SHTN1: variants seen among roughly 807,000 people sequenced by gnomAD.
The protein encoded by SHTN1 is shootin 1.
A neutral mutation model predicts 83.1 loss-of-function variants in SHTN1; 42 were observed. The observed-to-expected ratio is 0.51, with a 90% confidence interval of 0.39 to 0.65. The LOEUF (loss-of-function observed/expected upper bound fraction) is 0.65, where lower values mean the gene tolerates loss of function less well. Among genes scored for constraint, SHTN1 ranks in the 30% least tolerant of loss-of-function variants. The pLI, the probability that SHTN1 is intolerant of heterozygous loss-of-function variation, is 0.00. For missense variants in SHTN1, 622 were observed against 737.8 expected, an observed-to-expected ratio of 0.84 and a Z score of 1.82; for synonymous variants, 224 against 247.7, an observed-to-expected ratio of 0.90 and a Z score of 0.90.
chr10:116,890,330 T>G (rs1847299824), intron 16 of SHTN1, among the ~76,000 whole-genome samples: 3 of 152,168 alleles, frequency 2.0e-5, no homozygotes, highest in Admixed American at 2.0e-4. Context: ...ACTAAAATCA[T>G]GGGATGCTTG....
At chr10:116,954,635 C>G (rs535288984) in intron 4 of SHTN1, among the ~76,000 whole-genome samples, 2 of 152,138 alleles carry the variant, frequency 1.3e-5, no homozygotes, top group African/African-American at 4.8e-5. Context: ...TTCCATTGTT[C>G]CACATGATTT....
chr10:116,926,395 T>C (rs180973570), intron 11 of SHTN1, among the ~76,000 whole-genome samples: 1 of 152,310 alleles, frequency 6.6e-6, no homozygotes, highest in Non-Finnish European at 1.5e-5. Context: ...AAATCCAGAA[T>C]ATCTCCTACA....
intron 1 of SHTN1, among the ~76,000 whole-genome samples, chr10:117,115,742 A>G (rs1853836911): frequency 6.6e-6 from 1 of 152,138 alleles, no homozygotes; most frequent in African/African-American, 2.4e-5. Context: ...TTCACTAGAG[A>G]TTTCTTCAAG....
Position 117,126,383 on chromosome 10 carries a change from T to C in SHTN1, c.-265A>G, listed in dbSNP as rs1854009084. 7 of 177,674 alleles carry C rather than the reference T, an allele frequency of 3.9e-5. No individual in the cohort carries two copies. In the South Asian group the frequency reaches 4.9e-4, roughly 12 times the overall value. 11.0% of individuals were successfully genotyped at this position (177,674 alleles called of 1,614,324 possible). On this transcript the variant is annotated 5_prime_UTR_variant, in exon 1 of 18. Transcript: ENST00000392901. ...GCTGCGTGAGGTGCCGGGTCCAGGC[T>C]CACAGGAGGAGAGCTCCAGGAGTCC... is the stretch of plus-strand genomic sequence containing the variant.
intron 1 of SHTN1, among the ~76,000 whole-genome samples, chr10:117,098,980 A>G (rs557097173): frequency 4.0e-5 from 1 of 24,826 alleles, no homozygotes; most frequent in African/African-American, 9.4e-5. Context: ...TCAAAAGTAT[A>G]ATGTTCCACA....
Position 116,884,610 on chromosome 10 carries a change from G to A in SHTN1, c.*1734C>T, listed in dbSNP as rs1377134093. 1 of 181,512 alleles carries A rather than the reference G, an allele frequency of 5.5e-6. No homozygotes were observed. Among genetic ancestry groups the A allele is most frequent in the African/African-American group, 2.4e-5 (1 of 42,040 alleles). The allele number at this position is 181,512 out of a possible 1,614,324, so 11.2% of individuals were successfully genotyped here. Reference sequence around the variant, plus strand: ...ATTCCTAAATGTGTGTGAGTTGCATGCTGGCAGACAGATCACAGATGCAAG... The same window carrying A: ...ATTCCTAAATGTGTGTGAGTTGCATACTGGCAGACAGATCACAGATGCAAG... On this transcript the variant is annotated 3_prime_UTR_variant, in exon 17 of 17. Coordinates refer to ENST00000355371, the MANE Select transcript of SHTN1 (RefSeq NM_001127211.3).
chr10:117,043,113 G>A (rs1852609614), intron 2 of SHTN1, among the ~76,000 whole-genome samples: 1 of 139,266 alleles, frequency 7.2e-6, no homozygotes, highest in Admixed American at 7.8e-5. Flanking sequence ...TCCTAAAAGT[G>A]GATCTTTATA....
intron 1 of SHTN1, among the ~76,000 whole-genome samples, chr10:117,077,392 G>C (rs933049686): frequency 6.6e-6 from 1 of 152,158 alleles, no homozygotes; most frequent in Non-Finnish European, 1.5e-5. Context: ...GGTTTTCACT[G>C]GAAGTTTGCC....
chr10:117,100,662 A>G (rs762684630), intron 1 of SHTN1, among the ~76,000 whole-genome samples: 45 of 152,300 alleles, frequency 3.0e-4, no homozygotes, highest in Admixed American at 1.7e-3. Context: ...GAAAGGTTAC[A>G]CTGTGCTTAT....
intron 16 of SHTN1, among the ~76,000 whole-genome samples, chr10:116,893,065 G>A (rs553006132): frequency 4.5e-4 from 69 of 152,316 alleles, no homozygotes; most frequent in Non-Finnish European, 8.2e-4. Context: ...GTAATTTTGA[G>A]ATTTACTCAA....
rs1847141868 is a variant in SHTN1, at chr10:116,885,601, C to T, written c.*743G>A. The T allele has an allele frequency of 6.6e-6, 1 of 152,530 alleles. No individual in the cohort carries two copies. The highest frequency in any genetic ancestry group is 2.4e-5 in the African/African-American group (1 of 41,448). The allele number at this position is 152,530 out of a possible 1,614,324, so 9.4% of individuals were successfully genotyped here. A position where few individuals can be genotyped will look rare whatever the true frequency, so the allele number is the denominator to read the frequency against. On this transcript the variant is annotated 3_prime_UTR_variant, in exon 17 of 17. Coordinates refer to ENST00000355371, the MANE Select transcript of SHTN1 (RefSeq NM_001127211.3). ...TTAGTATTTGGGAAAACATAATTAA[C>T]TCATAGCACAGAGCACATGGTTTAC... is the stretch of plus-strand genomic sequence containing the variant.
At chr10:117,038,837 CG>C (rs1404064333) in intron 2 of SHTN1, among the ~76,000 whole-genome samples, 3 of 152,184 alleles carry the variant, frequency 2.0e-5, no homozygotes, top group African/African-American at 7.2e-5. Flanking sequence ...AGAACACTGA[CG>C]ATACCAAATG....
chr10:117,031,183 C>G (rs1852408837), intron 2 of SHTN1, among the ~76,000 whole-genome samples: 1 of 152,100 alleles, frequency 6.6e-6, no homozygotes, highest in Non-Finnish European at 1.5e-5. Flanking sequence ...GGAAACCTTA[C>G]AGGTCAGGAG....
chr10:117,086,879 A>G (rs1435133143), intron 1 of SHTN1, among the ~76,000 whole-genome samples: 1 of 152,264 alleles, frequency 6.6e-6, no homozygotes. Context: ...TGAGTGGATA[A>G]ACAAAATGTG....
chr10:117,092,844 T>TG, intron 1 of SHTN1, among the ~76,000 whole-genome samples: 1 of 152,254 alleles, frequency 6.6e-6, no homozygotes, highest in Non-Finnish European at 1.5e-5. Context: ...GAAAAGGGTA[T>TG]GGGCTCATAT....
chr10:116,897,369 G>A (rs781743004), intron 16 of SHTN1, among the ~76,000 whole-genome samples: 34 of 152,128 alleles, frequency 2.2e-4, no homozygotes, highest in Non-Finnish European at 4.9e-4. Flanking sequence ...TCCTAACCGT[G>A]AACAGCTTTA....
intron 9 of SHTN1, among the ~76,000 whole-genome samples, chr10:116,939,446 G>T (rs892281871): frequency 1.3e-5 from 2 of 152,116 alleles, no homozygotes; most frequent in Admixed American, 6.5e-5. Flanking sequence ...TGCACTTCCC[G>T]GGTGAGGCAA....
intron 2 of SHTN1, among the ~76,000 whole-genome samples, chr10:117,016,844 C>T (rs541704067): frequency 1.3e-5 from 2 of 152,192 alleles, no homozygotes; most frequent in East Asian, 1.9e-4. Flanking sequence ...TTAATATATA[C>T]AAATAGGTAC....
intron 1 of SHTN1, among the ~76,000 whole-genome samples, chr10:117,062,528 A>G (rs1379801765): frequency 6.6e-6 from 1 of 152,192 alleles, no homozygotes; most frequent in Non-Finnish European, 1.5e-5. Flanking sequence ...ACAAAGCCCT[A>G]GTTCAAATGT....
Sources: gnomAD v4.1 joint callset for allele counts (sites outside exome capture counted in the v4.1 genomes callset) on GRCh38, gnomAD v4.1.1 for gene constraint, MANE v1.5 for transcripts, NCBI Gene and HGNC (gene_info 2026-07-23, HGNC 2026-07-21) for gene names.